The following TTN variants were observed in gnomAD, a reference collection of about 807,000 sequenced individuals.
TTN encodes connectin.
In TTN, 1,525 loss-of-function variants were observed where a neutral mutation model predicts 3,223.0. The ratio of observed to expected loss-of-function variants is 0.47; its 90% CI spans 0.45 to 0.49. The LOEUF is 0.49. TTN is among the 20% of genes least tolerant of loss of function. The pLI, the probability that TTN is intolerant of heterozygous loss-of-function variation, is 0.00. For synonymous variants in TTN, 14,094 were observed against 15,161.0 expected (o/e 0.93, Z 5.17); for missense variants, 40,786 against 43,424.0 (o/e 0.94, Z 5.40).
Position 178,776,867 on chromosome 2 carries a change from G to A in TTN, c.4997C>T (p.Thr1666Ile). 1 of 1,613,568 alleles carries A rather than the reference G, an allele frequency of 6.2e-7. No individual in the cohort carries two copies. The change falls in exon 28 of 363, where the codon ACA becomes ATA. Residue 1666 changes from threonine (T) to isoleucine (I), a missense_variant. By Grantham distance (89) the Thr-to-Ile change is moderately conservative. Coordinates refer to ENST00000589042, the MANE Select transcript of TTN (RefSeq NM_001267550.2). Reference sequence around the variant, plus strand: ...GGCTGCAATCTCCTTTGCTCTATATGTCCCCCGTGGGATGATTAACTTTCT... The same window carrying A: ...GGCTGCAATCTCCTTTGCTCTATATATCCCCCGTGGGATGATTAACTTTCT... ...PERKLIIPRG[T>I]YRAKEIAAPE...
rs765426928 is a variant in TTN, at chr2:178,773,917, C to G, written c.7251G>C (p.Met2417Ile). ...AGTAATTTCCAGCATCTTCCTTAGTCATGTCTTCAATGAGCAGCATATGAG... is the reference window on the plus strand; with the variant it reads ...AGTAATTTCCAGCATCTTCCTTAGTGATGTCTTCAATGAGCAGCATATGAG... ...KQSHMLLIED[M>I]TKEDAGNYSF... Residue 2417 changes from methionine (M) to isoleucine (I), a missense_variant, in exon 31 of 363, where the codon ATG becomes ATC. Coordinates refer to ENST00000589042, the MANE Select transcript of TTN (RefSeq NM_001267550.2). The G allele has an allele frequency of 3.7e-6, 6 of 1,614,094 alleles. No homozygotes were observed. Among genetic ancestry groups the G allele is most frequent in the Non-Finnish European group, 4.2e-6 (5 of 1,179,970 alleles).
intron 6 of TTN, chr2:178,799,149 C>A (rs1574972658): frequency 3.1e-6 from 1 of 319,294 alleles, no homozygotes; most frequent in East Asian, 7.1e-5. Context: ...CTAGCGAGGC[C>A]TGTGCCCATG....
At chr2:178,710,323 T>C (rs891174387) in intron 98 of TTN, among the ~76,000 whole-genome samples, 1 of 152,108 alleles carries the variant, frequency 6.6e-6, no homozygotes, top group African/African-American at 2.4e-5. Context: ...GGCAGGCGCC[T>C]GTAATCCCAG....
chr2:178,753,189 G>GA lies in TTN; in HGVS notation c.11255-10dup. On this transcript the variant is annotated splice_polypyrimidine_tract_variant and intron_variant, in intron 46 of 362. Coordinates refer to ENST00000589042, the MANE Select transcript of TTN (RefSeq NM_001267550.2). ...CAAAATTGATTCAGGAGCTAAAATA[G>GA]AAAAACATATAAAGAGATTTTAGTG... The GA allele has an allele frequency of 6.2e-7, 1 of 1,601,452 alleles. No individual in the cohort carries two copies. The highest frequency in any genetic ancestry group is 1.1e-5 in the South Asian group (1 of 90,046).
rs1575613740 is a variant in TTN at position 178,560,569 on chromosome 2, A to G, written c.85563T>C (p.Tyr28521=). The change falls in exon 326 of 363, where the codon TAT becomes TAC. Residue 28521 remains tyrosine (Y), a synonymous_variant. Coordinates refer to ENST00000589042, the MANE Select transcript of TTN (RefSeq NM_001267550.2). ...KVTKLLKGNE[Y]IFRVTGVNKY... ...TATTAACACCAGTTACTCTAAATAT[A>G]TATTCATTGCCTTTGAGTAACTTGG... 1 of 1,613,378 alleles carries G rather than the reference A, an allele frequency of 6.2e-7. No individual in the cohort carries two copies. Among genetic ancestry groups the G allele is most frequent in the Non-Finnish European group, 8.5e-7 (1 of 1,179,710 alleles).
intron 13 of TTN, 113 bp from the exon 14 acceptor site, chr2:178,786,254 G>A: frequency 9.1e-7 from 1 of 1,093,850 alleles, no homozygotes; most frequent in Non-Finnish European, 1.3e-6. Flanking sequence ...GTGTTAACGT[G>A]TCTAGAAATG....
Position 178,574,846 on chromosome 2 carries a change from A to G in TTN, c.71286T>C (p.Tyr23762=), listed in dbSNP as rs1185044787. The G allele has an allele frequency of 6.8e-6, 11 of 1,613,126 alleles. No homozygotes were observed. The highest frequency in any genetic ancestry group is 1.7e-5 in the Admixed American group (1 of 59,982). The change falls in exon 326 of 363, where the codon TAT becomes TAC. Residue 23762 remains tyrosine, a synonymous_variant. Coordinates refer to ENST00000589042, the MANE Select transcript of TTN (RefSeq NM_001267550.2). ...ENDGGVPISN[Y]VVEMRQTDST... ...TGTCAGTCTGCCGCATTTCCACTAC[A>G]TAGTTGCTTATTGGTACACCACCAT... is the stretch of plus-strand genomic sequence containing the variant.
At chr2:178,709,978 C>A in intron 98 of TTN, 122 bp from the exon 99 acceptor site, 1 of 938,134 alleles carries the variant, frequency 1.1e-6, no homozygotes, top group Non-Finnish European at 1.6e-6. Context: ...ACTAAATACA[C>A]TATATCAGAA....
At chr2:178,593,112 G>T in intron 299 of TTN, 29 bp from the exon 300 acceptor site, 1 of 1,610,674 alleles carries the variant, frequency 6.2e-7, no homozygotes, top group South Asian at 1.1e-5. Context: ...AAACGAATTA[G>T]CATATAGCTG....
rs978359923 is a variant in TTN at position 178,635,212 on chromosome 2, T to C, written c.41977A>G (p.Ile13993Val). ...SFDAEISEAD[I>V]PGQWKLKGEL... is the part of the protein sequence containing the mutation. ...CCTTTCAGTTTCCATTGTCCAGGAA[T>C]GTCTGCCTCTGAGATTTCTGCATCA... Residue 13993 changes from isoleucine (I) to valine (V), a missense_variant, in exon 228 of 363, where the codon ATT (isoleucine) becomes GTT (valine). Transcript: ENST00000589042. The C allele has an allele frequency of 6.2e-7, 1 of 1,613,306 alleles. No homozygotes were observed. Among genetic ancestry groups the C allele is most frequent in the African/African-American group, 1.3e-5 (1 of 74,998 alleles).
Position 178,652,405 on chromosome 2 carries a change from T to C in TTN, c.39127+53A>G, listed in dbSNP as rs2154250662. 26 of 1,613,188 alleles carry C rather than the reference T, an allele frequency of 1.6e-5. No homozygotes were observed. In the South Asian group the frequency reaches 2.9e-4, roughly 18 times the overall value. On this transcript the variant is annotated intron_variant, in intron 202 of 362. Coordinates refer to ENST00000589042, the MANE Select transcript of TTN (RefSeq NM_001267550.2). The stretch of plus-strand genomic sequence containing the variant: ...ATTATGAAGACCACTAGAAAAATAC[T>C]TTCCAGAGCAGAAGAGTTTGATCAT...
rs1179298571 is a variant in TTN at position 178,728,094 on chromosome 2, G to A, written c.19714+16C>T. The A allele has an allele frequency of 6.5e-7, 1 of 1,538,534 alleles. No homozygotes were observed. Among genetic ancestry groups the A allele is most frequent in the Non-Finnish European group, 8.7e-7 (1 of 1,144,874 alleles). On this transcript the variant is annotated intron_variant, in intron 67 of 362. Transcript: ENST00000589042. ...ATTCGCAAGGAAGAATCAAGAAGAGGTAAAGAAATTCTAACCTTTCACAGT... is the reference window on the plus strand; with the variant it reads ...ATTCGCAAGGAAGAATCAAGAAGAGATAAAGAAATTCTAACCTTTCACAGT...
intron 354 of TTN, 78 bp from the exon 355 acceptor site, chr2:178,537,995 A>T (rs1692426414): frequency 7.9e-7 from 1 of 1,271,126 alleles, no homozygotes; most frequent in Non-Finnish European, 1.1e-6. Context: ...ATCAGGAATG[A>T]ATTTACCTTA....
intron 88 of TTN, among the ~76,000 whole-genome samples, 173 bp downstream of exon 88, chr2:178,716,922 T>A (rs1379026159): frequency 1.3e-5 from 2 of 152,060 alleles, no homozygotes; most frequent in South Asian, 2.1e-4. Context: ...ATTTTTTTTT[T>A]AAAGTAATTA....
chr2:178,621,078 C>A, intron 246 of TTN, 24 bp downstream of exon 246: 1 of 1,608,678 alleles, frequency 6.2e-7, no homozygotes, highest in Non-Finnish European at 8.5e-7. Flanking sequence ...AAACAAAAAA[C>A]CCTAAAAGCA....
Position 178,731,986 on chromosome 2 carries a change from G to C in TTN, c.16904-15C>G. ...ATAAGGTGACTCTACAGTAAAAAAG[G>C]AATGATTTGCATTAAGGGAGGAGGG... is the stretch of plus-strand genomic sequence containing the variant. On this transcript the variant is annotated splice_polypyrimidine_tract_variant and intron_variant, in intron 57 of 362. Transcript: ENST00000589042. 1 of 1,596,546 alleles carries C rather than the reference G, an allele frequency of 6.3e-7. No homozygotes were observed. The highest frequency in any genetic ancestry group is 8.6e-7 in the Non-Finnish European group (1 of 1,169,038).
Position 178,542,916 on chromosome 2 carries a change from T to C in TTN, c.96938A>G (p.Gln32313Arg). ...GCCAGCTGGGACATGGATGGTCTTC[T>C]GAGGCATTGTAGAAAGATCGATTGT... ...LPTIDLSTMP[Q>R]KTIHVPAGRP... The change falls in exon 348 of 363, where the codon CAG becomes CGG. Residue 32313 changes from glutamine (Q) to arginine (R), a missense_variant. Physicochemically the swap from Gln to Arg is conservative, Grantham distance 43 (BLOSUM62 1). Coordinates refer to ENST00000589042, the MANE Select transcript of TTN (RefSeq NM_001267550.2). 6.2e-7 allele frequency: 1 copy of C among 1,611,582 alleles called. No individual in the cohort carries two copies. Among genetic ancestry groups the C allele is most frequent in the Non-Finnish European group, 8.5e-7 (1 of 1,177,954 alleles).
chr2:178,669,568 G>T, intron 158 of TTN, 24 bp downstream of exon 158: 1 of 1,610,552 alleles, frequency 6.2e-7, no homozygotes, highest in Non-Finnish European at 8.5e-7. Context: ...ATTATTTCAT[G>T]TTCTGATTAG....
Position 178,532,405 on chromosome 2 carries a change from G to C in TTN, c.104210C>G (p.Ala34737Gly). 6.2e-7 allele frequency: 1 copy of C among 1,613,988 alleles called. No homozygotes were observed. Among genetic ancestry groups the C allele is most frequent in the Non-Finnish European group, 8.5e-7 (1 of 1,179,882 alleles). ...TTCTGCATAACTTGTACTAGCTTCA[G>C]CCTTCGTTGGGATGTGATAGGTTGA... is the stretch of plus-strand genomic sequence containing the variant. The part of the protein sequence containing the change: ...RYSTYHIPTK[A>G]EASTSYAELR... The change falls in exon 358 of 363, where the codon GCT (alanine) becomes GGT (glycine). Residue 34737 changes from alanine to glycine, a missense_variant. Ala to Gly is a moderately conservative substitution (Grantham distance 60). Transcript: ENST00000589042.
Sources: allele counts gnomAD v4.1 joint callset (sites outside exome capture counted in the v4.1 genomes callset), GRCh38; gene constraint gnomAD v4.1.1; transcripts MANE v1.5; gene names NCBI Gene and HGNC (gene_info 2026-07-23, HGNC 2026-07-21).